The following BMP7 variants were observed in gnomAD, a reference collection of about 807,000 sequenced individuals.
The protein encoded by BMP7 is osteogenic protein 1.
Under a neutral mutation model 41.2 loss-of-function variants are expected in BMP7, and 12 were observed. The ratio of observed to expected loss-of-function variants is 0.29; its 90% CI spans 0.19 to 0.47. BMP7 has a LOEUF of 0.47. Among genes scored for constraint, BMP7 ranks in the 20% least tolerant of loss-of-function variants. The pLI, the probability that BMP7 is intolerant of heterozygous loss-of-function variation, is 0.99. For missense variants in BMP7, 467 were observed against 606.0 expected (o/e 0.77, Z 2.41); for synonymous variants, 248 against 250.0 (o/e 0.99, Z 0.07).
chr20:57,243,561 G>C (rs1193942800), intron 1 of BMP7, among the ~76,000 whole-genome samples: 3 of 152,152 alleles, frequency 2.0e-5, no homozygotes, highest in African/African-American at 7.2e-5. Flanking sequence ...CGGGTTTGAG[G>C]CCTGGGATGG....
At chr20:57,192,228 T>G (rs181365531) in intron 3 of BMP7, among the ~76,000 whole-genome samples, 1,504 of 130,240 alleles carry the variant, frequency 0.012, 33 homozygotes, top group African/African-American at 0.042. Flanking sequence ...TACTATTATA[T>G]TATATAATAG....
chr20:57,186,650 C>T (rs904476074), intron 3 of BMP7, among the ~76,000 whole-genome samples: 13 of 152,048 alleles, frequency 8.5e-5, no homozygotes, highest in Non-Finnish European at 1.6e-4. Flanking sequence ...ATACGGTGCC[C>T]CCAAGTTAGA....
intron 3 of BMP7, among the ~76,000 whole-genome samples, chr20:57,186,772 A>C (rs1378144469): frequency 6.6e-6 from 1 of 152,236 alleles, no homozygotes; most frequent in Non-Finnish European, 1.5e-5. Context: ...TCCCAGGACC[A>C]GATCAGCACC....
intron 4 of BMP7, among the ~76,000 whole-genome samples, chr20:57,176,808 T>G (rs1983936601): frequency 6.7e-6 from 1 of 148,740 alleles, no homozygotes; most frequent in Admixed American, 6.8e-5. Context: ...ACTGTTTGAA[T>G]GCATGGCTCT....
At chr20:57,248,038 G>T (rs1048619015) in intron 1 of BMP7, among the ~76,000 whole-genome samples, 3 of 152,086 alleles carry the variant, frequency 2.0e-5, no homozygotes, top group Non-Finnish European at 4.4e-5. Context: ...TGAGTTTAAA[G>T]AATAACTAAA....
At chr20:57,236,178 T>C in intron 1 of BMP7, among the ~76,000 whole-genome samples, 1 of 152,170 alleles carries the variant, frequency 6.6e-6, no homozygotes, top group South Asian at 2.1e-4. Flanking sequence ...AGAAGTGTAA[T>C]GGACCAGAAG....
chr20:57,181,331 C>T (rs1984074531), intron 4 of BMP7, among the ~76,000 whole-genome samples: 1 of 151,678 alleles, frequency 6.6e-6, no homozygotes, highest in Non-Finnish European at 1.5e-5. Context: ...ATAGGGAGGC[C>T]CTGTCTCTAC....
intron 4 of BMP7, among the ~76,000 whole-genome samples, chr20:57,180,612 G>A (rs970317243): frequency 1.3e-5 from 2 of 152,128 alleles, no homozygotes; most frequent in Admixed American, 1.3e-4. Context: ...GTGGGTGTTC[G>A]ACATTGAATC....
rs1169016858 is a variant in BMP7, at chr20:57,259,918, A to AT, written c.418+5786dup. ...TCCATATTAAGAAATACCAAGTCAC[A>AT]TTTTTTGTCAATTATTATTTGTCAG... On this transcript the variant is annotated intron_variant, in intron 1 of 6. Transcript: ENST00000395863. This position sits in a 1 kb window ranked among gnomAD's most constrained non-coding sequence, Gnocchi z 4.7. 6.6e-6 allele frequency among the ~76,000 whole-genome samples: 1 copy of AT among 152,044 alleles called. No individual in the cohort carries two copies. The highest frequency in any genetic ancestry group is 2.4e-5 in the African/African-American group (1 of 41,380).
intron 1 of BMP7, among the ~76,000 whole-genome samples, chr20:57,237,184 C>T (rs543908626): frequency 6.6e-6 from 1 of 152,234 alleles, no homozygotes; most frequent in South Asian, 2.1e-4. Context: ...AGTTAGGGGC[C>T]GGGGACAGAC....
At chr20:57,209,283 A>ATATATG (rs1555814067) in intron 2 of BMP7, among the ~76,000 whole-genome samples, 1 of 132,714 alleles carries the variant, frequency 7.5e-6, no homozygotes, top group South Asian at 2.5e-4. Context: ...ATATATATAT[A>ATATATG]TATGTATATA....
chr20:57,224,023 C>T lies in BMP7; in HGVS notation c.611+4206G>A, dbSNP rs946289417. 3.9e-5 allele frequency among the ~76,000 whole-genome samples: 6 copies of T among 152,196 alleles called. No homozygotes were observed. The highest frequency in any genetic ancestry group is 9.6e-5 in the African/African-American group (4 of 41,452). On this transcript the variant is annotated intron_variant, in intron 2 of 6. Coordinates refer to ENST00000395863, the MANE Select transcript of BMP7 (RefSeq NM_001719.3). This position sits in a 1 kb window ranked among gnomAD's most constrained non-coding sequence, Gnocchi z 4.8. ...TCAGGTTTATGGACCAAAATCATCA[C>T]GGCGTCCCCAGGGAGCTTCTCAGAA...
intron 1 of BMP7, among the ~76,000 whole-genome samples, chr20:57,236,389 A>G (rs144589921): frequency 1.8e-4 from 27 of 152,336 alleles, no homozygotes; most frequent in African/African-American, 6.0e-4. Context: ...GAAACTTGAG[A>G]TGACCTGCAG....
chr20:57,245,635 ATTTT>A (rs565788005), intron 1 of BMP7, among the ~76,000 whole-genome samples: 3 of 118,632 alleles, frequency 2.5e-5, no homozygotes, highest in Admixed American at 1.8e-4. Flanking sequence ...GTGATTAGTG[ATTTT>A]TTTTTTTTTT....
chr20:57,213,447 A>G lies in BMP7; in HGVS notation c.612-10824T>C, dbSNP rs1984940019. On this transcript the variant is annotated intron_variant, in intron 2 of 6. Transcript: ENST00000395863. This position sits in a 1 kb window ranked among gnomAD's most constrained non-coding sequence, Gnocchi z 4.4. ...GAGGTTGGGAAGCACCACATGACAC[A>G]TTGCTCCTTAGAGATGTCATAATGC... is the stretch of plus-strand genomic sequence containing the variant. 6.6e-6 allele frequency among the ~76,000 whole-genome samples: 1 copy of G among 152,220 alleles called. No individual in the cohort carries two copies. The highest frequency in any genetic ancestry group is 6.5e-5 in the Admixed American group (1 of 15,284).
chr20:57,193,430 T>C (rs558131872), intron 3 of BMP7, among the ~76,000 whole-genome samples: 95 of 152,258 alleles, frequency 6.2e-4, no homozygotes, highest in African/African-American at 2.2e-3. Flanking sequence ...AACTACCCAG[T>C]AGTGCCAAGG....
At chr20:57,246,083 G>T (rs1228876722) in intron 1 of BMP7, among the ~76,000 whole-genome samples, 1 of 152,086 alleles carries the variant, frequency 6.6e-6, no homozygotes, top group African/African-American at 2.4e-5. Flanking sequence ...TCTGCTTCTT[G>T]ATCTACACAC....
chr20:57,260,007 C>T (rs2066147728), intron 1 of BMP7, among the ~76,000 whole-genome samples: 2 of 152,176 alleles, frequency 1.3e-5, no homozygotes. Context: ...TACCAAACGG[C>T]TCACTAATAG....
Position 57,228,421 on chromosome 20 carries a change from A to G in BMP7, c.419T>C (p.Val140Ala). 6.2e-7 allele frequency: 1 copy of G among 1,613,956 alleles called. No homozygotes were observed. Among genetic ancestry groups the G allele is most frequent in the Non-Finnish European group, 8.5e-7 (1 of 1,179,920 alleles). ...GTGGAAGAATTCCTTGTCATGTTCCACTGGAAGAGGAAGAGAACACACACC... is the reference window on the plus strand; with the variant it reads ...GTGGAAGAATTCCTTGTCATGTTCCGCTGGAAGAGGAAGAGAACACACACC... ...ADMVMSFVNL[V>A]EHDKEFFHPR... The change falls in exon 2 of 7, where the codon GTG (valine) becomes GCG (alanine). Residue 140 changes from valine to alanine, a missense_variant and splice_region_variant. Val to Ala is a moderately conservative substitution (Grantham distance 64, BLOSUM62 0). Coordinates refer to ENST00000395863, the MANE Select transcript of BMP7 (RefSeq NM_001719.3). The surrounding 1 kb of genome is among the most constrained non-coding windows in gnomAD (Gnocchi z 4.5).
Sources: allele counts gnomAD v4.1 joint callset (sites outside exome capture counted in the v4.1 genomes callset), GRCh38; gene constraint gnomAD v4.1.1; non-coding constraint Gnocchi (gnomAD v3.1); transcripts MANE v1.5; gene names NCBI Gene and HGNC (gene_info 2026-07-23, HGNC 2026-07-21).